The following TMEM117 variants were observed in gnomAD, a reference collection of about 807,000 sequenced individuals.
TMEM117 encodes transmembrane protein 117.
A neutral mutation model predicts 52.4 loss-of-function variants in TMEM117; 27 were observed. That is an observed-to-expected ratio of 0.51 (90% CI 0.38 to 0.71). The LOEUF (loss-of-function observed/expected upper bound fraction) is 0.71. TMEM117 is among the 30% of genes least tolerant of loss of function. The probability of loss-of-function intolerance (pLI) is 0.00; values close to 1 mark genes in which losing one functional copy is unlikely to be tolerated. For synonymous variants in TMEM117, 215 were observed against 206.3 expected (o/e 1.04, Z -0.36); for missense variants, 556 against 630.5 (o/e 0.88, Z 1.26).
chr12:43,921,171 T>C (rs1490683656), intron 2 of TMEM117, among the ~76,000 whole-genome samples: 5 of 152,196 alleles, frequency 3.3e-5, no homozygotes, highest in African/African-American at 1.2e-4. Context: ...TATTTGTTGG[T>C]TTGTCTCTAT....
intron 3 of TMEM117, among the ~76,000 whole-genome samples, chr12:44,069,905 CAG>C (rs1469246572): frequency 6.6e-6 from 1 of 152,104 alleles, no homozygotes; most frequent in East Asian, 1.9e-4. Flanking sequence ...CTGTTTGAGA[CAG>C]GGGACAGAGT....
chr12:43,825,032 A>ATT, the TMEM117 span, among the ~76,000 whole-genome samples: 1 of 152,238 alleles, frequency 6.6e-6, no homozygotes, highest in African/African-American at 2.4e-5. Flanking sequence ...GGGAACTTAA[A>ATT]TGACTGAAGA....
intron 3 of TMEM117, among the ~76,000 whole-genome samples, chr12:43,976,025 T>C (rs1354523262): frequency 6.6e-6 from 1 of 152,178 alleles, no homozygotes; most frequent in Non-Finnish European, 1.5e-5. Context: ...TTACAAAAAG[T>C]ATCCATAGGA....
intron 6 of TMEM117, among the ~76,000 whole-genome samples, chr12:44,317,430 G>A (rs1951070860): frequency 6.6e-6 from 1 of 151,598 alleles, no homozygotes; most frequent in African/African-American, 2.4e-5. Context: ...TTTCACACTT[G>A]TTGCCCAGGC....
chr12:44,298,482 G>C (rs1950796932), intron 5 of TMEM117, among the ~76,000 whole-genome samples: 1 of 150,016 alleles, frequency 6.7e-6, no homozygotes. Flanking sequence ...AAAAGCACAG[G>C]CTTAACTACA....
At chr12:43,966,265 A>T (rs1945483901) in intron 3 of TMEM117, among the ~76,000 whole-genome samples, 1 of 152,218 alleles carries the variant, frequency 6.6e-6, no homozygotes, top group Non-Finnish European at 1.5e-5. Flanking sequence ...AAAGAAGGGG[A>T]TAAGAGGTGC....
At chr12:43,959,321 T>A (rs776388808) in intron 3 of TMEM117, among the ~76,000 whole-genome samples, 1 of 152,208 alleles carries the variant, frequency 6.6e-6, no homozygotes, top group African/African-American at 2.4e-5. Flanking sequence ...CAGTGGTTCA[T>A]AAGTATGAAA....
intron 2 of TMEM117, among the ~76,000 whole-genome samples, chr12:43,863,649 T>C (rs2137403156): frequency 6.6e-6 from 1 of 152,338 alleles, no homozygotes; most frequent in Admixed American, 6.5e-5. Context: ...AATTCTTAAC[T>C]GGCCCTGAAC....
intron 2 of TMEM117, among the ~76,000 whole-genome samples, chr12:43,909,550 A>C (rs1944456414): frequency 6.8e-6 from 1 of 147,494 alleles, no homozygotes. Flanking sequence ...AAAATTAATG[A>C]ATCCAGGAGC....
intron 3 of TMEM117, among the ~76,000 whole-genome samples, chr12:43,969,712 C>A (rs1435680936): frequency 6.6e-6 from 1 of 152,078 alleles, no homozygotes; most frequent in Non-Finnish European, 1.5e-5. Context: ...TTGCCATCAT[C>A]TTGGGTGTTT....
chr12:43,854,829 G>A (rs576945934), intron 2 of TMEM117, among the ~76,000 whole-genome samples: 1 of 152,046 alleles, frequency 6.6e-6, no homozygotes, highest in Admixed American at 6.5e-5. Flanking sequence ...TAGAGACAGG[G>A]TTTCACCATG....
chr12:44,077,191 T>A (rs1161715975), intron 3 of TMEM117, among the ~76,000 whole-genome samples: 1 of 152,184 alleles, frequency 6.6e-6, no homozygotes, highest in Admixed American at 6.6e-5. Context: ...ATTAGAACAG[T>A]TGCTCAAATG....
At chr12:44,086,478 G>A (rs1947568584) in intron 3 of TMEM117, among the ~76,000 whole-genome samples, 1 of 152,124 alleles carries the variant, frequency 6.6e-6, no homozygotes, top group Admixed American at 6.5e-5. Context: ...GCCGCCCAAA[G>A]TGCTGGGATT....
chr12:44,267,756 G>T (rs1394751259), intron 5 of TMEM117, among the ~76,000 whole-genome samples: 1 of 152,122 alleles, frequency 6.6e-6, no homozygotes, highest in Non-Finnish European at 1.5e-5. Context: ...TTGGTATCAT[G>T]TAGTATTTGT....
chr12:44,040,060 A>G (rs1946773514), intron 3 of TMEM117, among the ~76,000 whole-genome samples: 1 of 152,124 alleles, frequency 6.6e-6, no homozygotes, highest in African/African-American at 2.4e-5. Context: ...CAACTTGTAG[A>G]TTTGCTGATT....
At position 44,338,941 on chromosome 12, in the gene TMEM117, G is replaced by A. The variant is rs550747929; in HGVS notation, c.769-37654G>A. On this transcript the variant is annotated intron_variant, in intron 6 of 7. Coordinates refer to ENST00000266534, the MANE Select transcript of TMEM117 (RefSeq NM_032256.3). ...GCATAGCTTCCAGGTATGTCTTGTA[G>A]AACAGCTGCCAAGAGAGCTGCTGCA... Among the ~76,000 whole-genome samples, 104 of 152,154 alleles carry A rather than the reference G, an allele frequency of 6.8e-4. 1 individual carries two copies. The highest frequency in any genetic ancestry group is 1.3e-3 in the Non-Finnish European group (87 of 67,972).
In TMEM117 at chr12:43,944,317, A is replaced by T. The variant is rs202229361; in HGVS notation, c.385A>T (p.Ile129Phe). 12 of 1,612,388 alleles carry T rather than the reference A, an allele frequency of 7.4e-6. No homozygotes were observed. The highest frequency in any genetic ancestry group is 9.3e-6 in the Non-Finnish European group (11 of 1,178,868). Residue 129 changes from isoleucine to phenylalanine, a missense_variant, in exon 3 of 8, where the codon ATT becomes TTT. By Grantham distance (21) the Ile-to-Phe change is conservative (BLOSUM62 0). Coordinates refer to ENST00000266534, the MANE Select transcript of TMEM117 (RefSeq NM_032256.3). Reference protein sequence around the residue: ...LFIFSHIYNTILLMDGNMGAY... With the variant: ...LFIFSHIYNTFLLMDGNMGAY... Reference sequence around the variant, plus strand: ...CATATTTTCTCACATATACAACACGATTCTTCTAATGGATGGGAACATGGG... The same window carrying T: ...CATATTTTCTCACATATACAACACGTTTCTTCTAATGGATGGGAACATGGG...
At chr12:44,156,371 G>A (rs894689447) in intron 4 of TMEM117, among the ~76,000 whole-genome samples, 1 of 152,018 alleles carries the variant, frequency 6.6e-6, no homozygotes, top group African/African-American at 2.4e-5. Context: ...TAGATTTAGG[G>A]AACAGAGCTT....
intron 3 of TMEM117, among the ~76,000 whole-genome samples, chr12:44,114,225 C>T (rs1381958534): frequency 6.6e-6 from 1 of 152,134 alleles, no homozygotes; most frequent in African/African-American, 2.4e-5. Context: ...GCCATCTTGG[C>T]TCCTCCTCCG....
Sources: gnomAD v4.1 joint callset for allele counts (sites outside exome capture counted in the v4.1 genomes callset) on GRCh38, gnomAD v4.1.1 for gene constraint, MANE v1.5 for transcripts, NCBI Gene and HGNC (gene_info 2026-07-23, HGNC 2026-07-21) for gene names.